PNPLA2: variants seen among roughly 807,000 people sequenced by gnomAD.
PNPLA2 encodes patatin-like phospholipase domain-containing protein 2.
A neutral mutation model predicts 39.7 loss-of-function variants in PNPLA2; 28 were observed. That is an observed-to-expected ratio of 0.70 (90% confidence interval 0.52 to 0.97). PNPLA2 has a LOEUF of 0.97. Ranked by LOEUF, PNPLA2 falls within the 50% of genes least tolerant of loss-of-function variation. PNPLA2 has a pLI of 0.00. For synonymous variants in PNPLA2, 392 were observed against 321.1 expected (o/e 1.22, Z -2.36); for missense variants, 768 against 698.2 (o/e 1.10, Z -1.13).
intron 5 of PNPLA2, among the ~76,000 whole-genome samples, chr11:823,290 C>T (rs1428757313): frequency 4.6e-5 from 7 of 152,156 alleles, no homozygotes; most frequent in African/African-American, 1.7e-4. Flanking sequence ...ATCTCCTGAC[C>T]TCGTCATCCG....
At chr11:821,230 C>G (rs1845654952) in intron 2 of PNPLA2, 1 of 313,836 alleles carries the variant, frequency 3.2e-6, no homozygotes, top group African/African-American at 2.2e-5. Flanking sequence ...ACTCCCGGGC[C>G]TGTGAACTGT....
At chr11:821,911 C>T (rs931672388) in intron 3 of PNPLA2, 47 bp from the exon 4 acceptor site, 10 of 1,609,382 alleles carry the variant, frequency 6.2e-6, no homozygotes, top group Non-Finnish European at 8.5e-6. Flanking sequence ...GCAGTGGGAA[C>T]CTCAAGGCCT....
intron 2 of PNPLA2, chr11:821,395 C>T (rs150279397): frequency 2.5e-4 from 150 of 597,036 alleles, no homozygotes; most frequent in Middle Eastern, 8.9e-4. Flanking sequence ...ACTCATAGGG[C>T]AGGCAGTTGG....
At position 824,900 on chromosome 11, in the gene PNPLA2, T is replaced by C. The variant is rs1390043473; in HGVS notation, c.*38T>C. The stretch of plus-strand genomic sequence containing the variant: ...CTCGAGGAACCCTGCCTGAGACGCC[T>C]CCATTACCACTGCGCAGTGAGATGA... On this transcript the variant is annotated 3_prime_UTR_variant, in exon 10 of 10. Transcript: ENST00000336615. The C allele has an allele frequency of 1.2e-5, 18 of 1,460,826 alleles. No homozygotes were observed. In the Admixed American group the frequency reaches 2.8e-4, roughly 22 times the overall value. 90.5% of individuals were successfully genotyped at this position (1,460,826 alleles called of 1,614,324 possible). A position where few individuals can be genotyped will look rare whatever the true frequency, so the allele number is the denominator to read the frequency against.
At chr11:821,490 A>G (rs1845662377) in intron 2 of PNPLA2, 138 bp from the exon 3 acceptor site, 6 of 716,534 alleles carry the variant, frequency 8.4e-6, no homozygotes, top group South Asian at 3.1e-5. Flanking sequence ...CAAAGTCCCA[A>G]CTGTGAGCCA....
At position 822,601 on chromosome 11, in the gene PNPLA2, C is replaced by T; in HGVS notation, c.691C>T (p.Pro231Ser). The change falls in exon 5 of 10, where the codon CCC (proline) becomes TCC (serine). Residue 231 changes from proline to serine, a missense_variant. Physicochemically the swap from Pro to Ser is moderately conservative, Grantham distance 74 (BLOSUM62 -1). Coordinates refer to ENST00000336615, the MANE Select transcript of PNPLA2 (RefSeq NM_020376.4). ...RLSKALFPPE[P>S]LVLREMCKQG... The stretch of plus-strand genomic sequence containing the variant: ...CTCCAAGGCCCTCTTCCCGCCGGAG[C>T]CCCTGGTGAGCTCTGCTCCGAGGAC... 1 of 1,612,756 alleles carries T rather than the reference C, an allele frequency of 6.2e-7. No homozygotes were observed. The highest frequency in any genetic ancestry group is 1.3e-5 in the African/African-American group (1 of 75,040).
At position 821,762 on chromosome 11, in the gene PNPLA2, G is replaced by A. The variant is rs768939589; in HGVS notation, c.322G>A (p.Glu108Lys). The A allele has an allele frequency of 3.1e-6, 5 of 1,613,838 alleles. No individual in the cohort carries two copies. Among genetic ancestry groups the A allele is most frequent in the East Asian group, 4.5e-5 (2 of 44,898 alleles). The change falls in exon 3 of 10, where the codon GAG (glutamate) becomes AAG (lysine). Residue 108 changes from glutamate (E) to lysine (K), a missense_variant. Coordinates refer to ENST00000336615, the MANE Select transcript of PNPLA2 (RefSeq NM_020376.4). ...GAAGGTCCTGCCTGCTGATAGCCAT[G>A]AGCATGCCAGTGGGCGCCTGGGCAT... is the stretch of plus-strand genomic sequence containing the variant. ...LLKVLPADSH[E>K]HASGRLGISL... is the part of the protein sequence containing the mutation.
At chr11:822,912 C>T (rs919769113) in intron 5 of PNPLA2, among the ~76,000 whole-genome samples, 2 of 151,692 alleles carry the variant, frequency 1.3e-5, no homozygotes, top group Admixed American at 1.3e-4. Context: ...GCAACCTCTG[C>T]CTCCAAGGTT....
Position 825,289 on chromosome 11 carries a change from C to T in PNPLA2, c.*427C>T, listed in dbSNP as rs2133853797. On this transcript the variant is annotated 3_prime_UTR_variant, in exon 10 of 10. Transcript: ENST00000336615. ...GAGAGCCTGGTGGCCAGGGTCTGGC[C>T]CTACCTTGGCTGACCAGCCTCTCCA... The T allele has an allele frequency of 3.5e-6, 1 of 281,856 alleles. No homozygotes were observed. The highest frequency in any genetic ancestry group is 6.9e-6 in the Non-Finnish European group (1 of 145,984). 17.5% of individuals were successfully genotyped at this position (281,856 alleles called of 1,614,324 possible).
At chr11:819,294 T>G (rs1000810769) in intron 1 of PNPLA2, 3 of 410,252 alleles carry the variant, frequency 7.3e-6, no homozygotes, top group African/African-American at 4.3e-5. Flanking sequence ...CCCAGGTCTG[T>G]GTGAGGCTTC....
intron 5 of PNPLA2, among the ~76,000 whole-genome samples, chr11:822,902 G>A (rs1240250308): frequency 1.3e-5 from 2 of 149,332 alleles, no homozygotes; most frequent in African/African-American, 4.9e-5. Context: ...TCAGCTCACT[G>A]CAACCTCTGC....
At chr11:823,947 G>A in intron 7 of PNPLA2, 51 bp from the exon 8 acceptor site, 1 of 1,553,458 alleles carries the variant, frequency 6.4e-7, no homozygotes, top group Non-Finnish European at 8.7e-7. Flanking sequence ...AGCCGAGCGG[G>A]TCCTGGGCCC....
In PNPLA2 at chr11:824,884, C is replaced by A. The variant is rs1364030891; in HGVS notation, c.*22C>A. The A allele has an allele frequency of 6.6e-7, 1 of 1,515,754 alleles. No individual in the cohort carries two copies. Among genetic ancestry groups the A allele is most frequent in the South Asian group, 1.2e-5 (1 of 83,660 alleles). 93.9% of individuals were successfully genotyped at this position (1,515,754 alleles called of 1,614,324 possible). On this transcript the variant is annotated 3_prime_UTR_variant, in exon 10 of 10. Coordinates refer to ENST00000336615, the MANE Select transcript of PNPLA2 (RefSeq NM_020376.4). ...GTGAGACCCCGACCCTCTCGAGGAACCCTGCCTGAGACGCCTCCATTACCA... is the reference window on the plus strand; with the variant it reads ...GTGAGACCCCGACCCTCTCGAGGAAACCTGCCTGAGACGCCTCCATTACCA...
chr11:824,304 C>T lies in PNPLA2; in HGVS notation c.1053-10C>T, dbSNP rs1341059567. On this transcript the variant is annotated splice_polypyrimidine_tract_variant and intron_variant, in intron 8 of 9. Coordinates refer to ENST00000336615, the MANE Select transcript of PNPLA2 (RefSeq NM_020376.4). ...CAAGTCCCTGAACGCGCCGCTCGCCCTGTCCCCAGCTTGCTGGAGTGGCTG... is the reference window on the plus strand; with the variant it reads ...CAAGTCCCTGAACGCGCCGCTCGCCTTGTCCCCAGCTTGCTGGAGTGGCTG... 9 of 1,550,788 alleles carry T rather than the reference C, an allele frequency of 5.8e-6. No individual in the cohort carries two copies. Among genetic ancestry groups the T allele is most frequent in the Non-Finnish European group, 7.0e-6 (8 of 1,147,604 alleles).
chr11:820,126 C>G (rs1015959528), intron 2 of PNPLA2, among the ~76,000 whole-genome samples: 7 of 152,216 alleles, frequency 4.6e-5, no homozygotes, highest in Non-Finnish European at 1.5e-5. Flanking sequence ...GCCCGCCTGT[C>G]TGGCGCAAAG....
intron 3 of PNPLA2, 33 bp downstream of exon 3, chr11:821,893 T>TGG: frequency 1.2e-6 from 2 of 1,600,218 alleles, no homozygotes. Context: ...TGGGTGGCGG[T>TGG]GGGGGGGGCA....
Position 823,550 on chromosome 11 carries a change from G to T in PNPLA2, c.720G>T (p.Gln240His). ...AGGTGCTGCGAGAGATGTGCAAGCA[G>T]GGATACCGGGATGGCCTGCGCTTTC... ...EPLVLREMCK[Q>H]GYRDGLRFLQ... Residue 240 changes from glutamine (Q) to histidine (H), a missense_variant, in exon 6 of 10, where the codon CAG (glutamine) becomes CAT (histidine). Transcript: ENST00000336615. 1 of 1,611,242 alleles carries T rather than the reference G, an allele frequency of 6.2e-7. No individual in the cohort carries two copies. Among genetic ancestry groups the T allele is most frequent in the East Asian group, 2.2e-5 (1 of 44,776 alleles).
chr11:824,168 A>T (rs763820076), intron 8 of PNPLA2, 38 bp downstream of exon 8: 1 of 1,572,628 alleles, frequency 6.4e-7, no homozygotes, highest in South Asian at 1.2e-5. Flanking sequence ...GGCCCAGGGG[A>T]CGGACTTTGG....
Position 823,833 on chromosome 11 carries a change from C to G in PNPLA2, c.897C>G (p.His299Gln). Residue 299 changes from histidine to glutamine, a missense_variant, in exon 7 of 10, where the codon CAC (histidine) becomes CAG (glutamine). Physicochemically the swap from His to Gln is conservative, Grantham distance 24. Transcript: ENST00000336615. ...CCGGAGAAGATCACATCCTGGAGCACCTGCCCGCCCGGCTCAATGAGGGTG... is the reference window on the plus strand; with the variant it reads ...CCGGAGAAGATCACATCCTGGAGCAGCTGCCCGCCCGGCTCAATGAGGGTG... ...QLPGEDHILE[H>Q]LPARLNEALL... 4.4e-6 allele frequency: 7 copies of G among 1,592,698 alleles called. No individual in the cohort carries two copies. The highest frequency in any genetic ancestry group is 4.3e-6 in the Non-Finnish European group (5 of 1,170,498).
Sources: gnomAD v4.1 joint callset for allele counts (sites outside exome capture counted in the v4.1 genomes callset) on GRCh38, gnomAD v4.1.1 for gene constraint, MANE v1.5 for transcripts, NCBI Gene and HGNC (gene_info 2026-07-23, HGNC 2026-07-21) for gene names.